DISC1: variants seen among roughly 807,000 people sequenced by gnomAD.
DISC1 encodes disrupted in schizophrenia 1 protein.
Under a neutral mutation model 84.5 loss-of-function variants are expected in DISC1, and 57 were observed. The observed-to-expected ratio is 0.67, with a 90% CI of 0.55 to 0.84. The LOEUF (loss-of-function observed/expected upper bound fraction) is 0.84, where lower values mean the gene tolerates loss of function less well. Ranked by LOEUF, DISC1 falls within the 40% of genes least tolerant of loss-of-function variation. DISC1 has a pLI of 0.00. For synonymous variants in DISC1, 411 were observed against 415.2 expected (o/e 0.99, Z 0.12); for missense variants, 1,000 against 1,057.8 (o/e 0.95, Z 0.76).
chr1:231,725,835 G>C (rs1295651330), intron 3 of DISC1, among the ~76,000 whole-genome samples: 1 of 152,070 alleles, frequency 6.6e-6, no homozygotes, highest in Non-Finnish European at 1.5e-5. Flanking sequence ...CCAAGAGGGT[G>C]ACACTGGCTG....
At chr1:232,006,679 C>T (rs1667484422) in intron 10 of DISC1, among the ~76,000 whole-genome samples, 1 of 152,066 alleles carries the variant, frequency 6.6e-6, no homozygotes, top group Non-Finnish European at 1.5e-5. Context: ...AAATTCACAG[C>T]CTGATGATAC....
intron 1 of DISC1, among the ~76,000 whole-genome samples, chr1:231,645,803 G>A (rs2060073753): frequency 6.6e-6 from 1 of 151,726 alleles, no homozygotes; most frequent in South Asian, 2.1e-4. Context: ...GAGAATGATG[G>A]TTTCCAGCTT....
intron 1 of DISC1, among the ~76,000 whole-genome samples, chr1:231,633,438 A>G (rs960946261): frequency 6.6e-6 from 1 of 152,172 alleles, no homozygotes; most frequent in African/African-American, 2.4e-5. Flanking sequence ...GAACCCTTCC[A>G]GTGCTAAGAT....
At chr1:231,949,567 T>C (rs908349353) in intron 9 of DISC1, among the ~76,000 whole-genome samples, 1 of 152,140 alleles carries the variant, frequency 6.6e-6, no homozygotes, top group African/African-American at 2.4e-5. Context: ...GCTGGCTGCT[T>C]GGGAACTTTG....
chr1:231,867,667 T>A (rs1232028651), intron 9 of DISC1, among the ~76,000 whole-genome samples: 1 of 152,222 alleles, frequency 6.6e-6, no homozygotes, highest in Non-Finnish European at 1.5e-5. Flanking sequence ...GTTATTGTCG[T>A]GTTACCCATA....
intron 10 of DISC1, among the ~76,000 whole-genome samples, chr1:231,987,246 A>G (rs950743392): frequency 6.6e-6 from 1 of 152,224 alleles, no homozygotes; most frequent in Non-Finnish European, 1.5e-5. Flanking sequence ...GTTGATGCAG[A>G]ATTCAGCTGT....
intron 3 of DISC1, among the ~76,000 whole-genome samples, chr1:231,722,182 A>G (rs1031219478): frequency 1.3e-5 from 2 of 151,662 alleles, no homozygotes; most frequent in Non-Finnish European, 2.9e-5. Context: ...CACTGCCTTA[A>G]GGACTTTCAA....
At chr1:231,718,706 G>A (rs1409649353) in intron 3 of DISC1, among the ~76,000 whole-genome samples, 1 of 152,176 alleles carries the variant, frequency 6.6e-6, no homozygotes, top group African/African-American at 2.4e-5. Context: ...AAAGGGCTGA[G>A]ATTACAGGCA....
At chr1:231,932,809 T>C (rs1417997520) in intron 9 of DISC1, among the ~76,000 whole-genome samples, 3 of 152,162 alleles carry the variant, frequency 2.0e-5, no homozygotes, top group African/African-American at 7.2e-5. Context: ...AGTAGATGCA[T>C]TGACTATTTC....
At position 231,674,912 on chromosome 1, in the gene DISC1, G is replaced by C. The variant is rs151103162; in HGVS notation, c.68-18914G>C. Among the ~76,000 whole-genome samples the C allele has an allele frequency of 1.4e-4, 21 of 152,194 alleles. No homozygotes were observed. In the South Asian group the frequency reaches 4.4e-3, roughly 32 times the overall value. ...TTGTTTTCACCCCATTCCTACGCCC[G>C]CCCAGACTTACCTTTGCTGTCACTG... On this transcript the variant is annotated intron_variant, in intron 1 of 12. Coordinates refer to ENST00000439617, the MANE Select transcript of DISC1 (RefSeq NM_018662.3).
intron 8 of DISC1, 63 bp downstream of exon 8, chr1:231,800,273 T>G: frequency 8.2e-7 from 1 of 1,226,362 alleles, no homozygotes; most frequent in Non-Finnish European, 1.2e-6. Flanking sequence ...TACCAGCACA[T>G]CGTGTTTTGT....
chr1:231,684,405 G>A (rs866080276), intron 1 of DISC1, among the ~76,000 whole-genome samples: 15 of 152,066 alleles, frequency 9.9e-5, no homozygotes, highest in African/African-American at 3.6e-4. Flanking sequence ...TGTGCTGTTT[G>A]AAAATAATAC....
At chr1:231,733,567 G>A (rs188223828) in intron 3 of DISC1, among the ~76,000 whole-genome samples, 1,480 of 146,590 alleles carry the variant, frequency 0.01, 17 homozygotes, top group Non-Finnish European at 0.017. Context: ...GGCTGTGGCA[G>A]TGCTGGTGAT....
chr1:231,785,382 G>A (rs1386112972), intron 6 of DISC1, among the ~76,000 whole-genome samples: 4 of 151,644 alleles, frequency 2.6e-5, no homozygotes, highest in Non-Finnish European at 5.9e-5. Flanking sequence ...TGCACTCAAG[G>A]AATACTCCCA....
chr1:231,982,316 C>T lies in DISC1; in HGVS notation c.2042+23428C>T, dbSNP rs537088164. Reference sequence around the variant, plus strand: ...TGGGAGGGGGATGATATAGTGAATTCCTCCCTCCCTCCCTCTCTGCCTTCC... The same window carrying T: ...TGGGAGGGGGATGATATAGTGAATTTCTCCCTCCCTCCCTCTCTGCCTTCC... On this transcript the variant is annotated intron_variant, in intron 10 of 12. Coordinates refer to ENST00000439617, the MANE Select transcript of DISC1 (RefSeq NM_018662.3). 3.3e-5 allele frequency among the ~76,000 whole-genome samples: 5 copies of T among 151,798 alleles called. No homozygotes were observed. The South Asian group carries it at 1.0e-3, about 32-fold the overall frequency.
intron 3 of DISC1, chr1:231,723,834 G>C: frequency 1.0e-6 from 1 of 985,366 alleles, no homozygotes; most frequent in African/African-American, 1.7e-5. Context: ...GTTGGTTGTG[G>C]GGTGGGCTAC....
At chr1:231,719,476 C>T (rs780842808) in intron 3 of DISC1, among the ~76,000 whole-genome samples, 6 of 152,154 alleles carry the variant, frequency 3.9e-5, no homozygotes, top group Non-Finnish European at 7.4e-5. Context: ...TGTTAAAAAC[C>T]TGACTGCAAA....
At chr1:232,004,988 CTT>C (rs1558828116) in intron 10 of DISC1, among the ~76,000 whole-genome samples, 1 of 65,698 alleles carries the variant, frequency 1.5e-5, no homozygotes, top group Non-Finnish European at 3.0e-5. Context: ...TTCCATCCTT[CTT>C]CTCTTCTTTC....
At chr1:232,023,099 ACT>A (rs1669118227) in intron 11 of DISC1, among the ~76,000 whole-genome samples, 1 of 85,982 alleles carries the variant, frequency 1.2e-5, no homozygotes, top group Non-Finnish European at 2.8e-5. Context: ...GTTTTTGATA[ACT>A]TTTTTTCCAA....
Sources: gnomAD v4.1 joint callset for allele counts (sites outside exome capture counted in the v4.1 genomes callset) on GRCh38, gnomAD v4.1.1 for gene constraint, MANE v1.5 for transcripts, NCBI Gene and HGNC (gene_info 2026-07-23, HGNC 2026-07-21) for gene names.